DOCK8: variants seen among roughly 807,000 people sequenced by gnomAD.
DOCK8 encodes the protein dedicator of cytokinesis 8.
In DOCK8, 141 loss-of-function variants were observed where a neutral mutation model predicts 245.6. The observed-to-expected ratio is 0.57, with a 90% confidence interval of 0.50 to 0.66. The LOEUF is 0.66. Among genes scored for constraint, DOCK8 ranks in the 30% least tolerant of loss-of-function variants. DOCK8 has a pLI of 0.00. For missense variants in DOCK8, 2,965 were observed against 2,603.4 expected (o/e 1.14, Z -3.02); for synonymous variants, 1,168 against 970.2 (o/e 1.20, Z -3.79).
intron 4 of DOCK8, among the ~76,000 whole-genome samples, chr9:304,368 G>C (rs184220089): frequency 1.5e-4 from 23 of 152,246 alleles, no homozygotes; most frequent in Admixed American, 1.0e-3. Flanking sequence ...CTTTAATAAT[G>C]AGCCAGCCAG....
intron 1 of DOCK8, among the ~76,000 whole-genome samples, chr9:263,361 T>C (rs1426723996): frequency 6.6e-6 from 1 of 152,210 alleles, no homozygotes; most frequent in Non-Finnish European, 1.5e-5. Context: ...TTAGTACTTT[T>C]ACCATTTCCC....
At chr9:449,177 C>T (rs975964268) in intron 44 of DOCK8, among the ~76,000 whole-genome samples, 9 of 152,060 alleles carry the variant, frequency 5.9e-5, no homozygotes, top group African/African-American at 1.2e-4. Flanking sequence ...ATAGAGAAAC[C>T]GCATCTCTAC....
At position 414,025 on chromosome 9, in the gene DOCK8, C is replaced by G. The variant is rs113917060; in HGVS notation, c.3531-757C>G. On this transcript the variant is annotated intron_variant, in intron 28 of 47. Coordinates refer to ENST00000432829, the MANE Select transcript of DOCK8 (RefSeq NM_203447.4). ...GGTGTGGTGGCAGGTGCCTGTAGTC[C>G]CCGCTACTTGGGAGGCTGAGTCAGA... is the stretch of plus-strand genomic sequence containing the variant. 8.7e-3 allele frequency among the ~76,000 whole-genome samples: 1,327 copies of G among 152,100 alleles called. 13 individuals carry two copies. The highest frequency in any genetic ancestry group is 0.03 in the African/African-American group (1,225 of 41,460).
chr9:340,903 A>G (rs1370795097), intron 14 of DOCK8, among the ~76,000 whole-genome samples: 1 of 152,212 alleles, frequency 6.6e-6, no homozygotes, highest in Non-Finnish European at 1.5e-5. Flanking sequence ...AAAATCTGCT[A>G]GCCATTACCT....
At chr9:269,373 T>G (rs978175305) in intron 1 of DOCK8, among the ~76,000 whole-genome samples, 2 of 152,184 alleles carry the variant, frequency 1.3e-5, no homozygotes, top group African/African-American at 2.4e-5. Context: ...TATGTTGTGG[T>G]GTATATAGGT....
chr9:290,100 G>A (rs1023214708), intron 4 of DOCK8, among the ~76,000 whole-genome samples: 2 of 151,924 alleles, frequency 1.3e-5, no homozygotes, highest in Non-Finnish European at 2.9e-5. Context: ...TTGCATGGCT[G>A]TACCATTGTT....
intron 27 of DOCK8, among the ~76,000 whole-genome samples, chr9:405,884 G>C (rs142098274): frequency 7.2e-5 from 11 of 152,172 alleles, no homozygotes; most frequent in Admixed American, 7.2e-4. Flanking sequence ...AATTCAAAAT[G>C]TATAAACTTT....
intron 36 of DOCK8, among the ~76,000 whole-genome samples, chr9:431,731 A>G (rs1189158535): frequency 6.6e-6 from 1 of 151,490 alleles, no homozygotes; most frequent in Admixed American, 6.6e-5. Context: ...CTGATCTTGA[A>G]CTCCTGAGCT....
intron 4 of DOCK8, among the ~76,000 whole-genome samples, chr9:291,155 G>A (rs2049021757): frequency 6.6e-6 from 1 of 152,146 alleles, no homozygotes; most frequent in South Asian, 2.1e-4. Context: ...AATCTGAGAA[G>A]GAACAAATAG....
intron 4 of DOCK8, among the ~76,000 whole-genome samples, chr9:297,953 A>T (rs1330351415): frequency 6.6e-6 from 1 of 152,142 alleles, no homozygotes; most frequent in East Asian, 1.9e-4. Context: ...TTATTGTGTA[A>T]CTCATTTGTT....
chr9:306,597 C>T (rs1190559441), intron 5 of DOCK8, among the ~76,000 whole-genome samples: 1 of 152,174 alleles, frequency 6.6e-6, no homozygotes, highest in Non-Finnish European at 1.5e-5. Flanking sequence ...GCACACCAGC[C>T]TGGGGCTGGG....
At chr9:288,858 T>G (rs1353679102) in intron 3 of DOCK8, among the ~76,000 whole-genome samples, 2 of 152,232 alleles carry the variant, frequency 1.3e-5, no homozygotes, top group Non-Finnish European at 2.9e-5. Flanking sequence ...GATGAGAAAA[T>G]TAAGGCTTGT....
intron 1 of DOCK8, among the ~76,000 whole-genome samples, chr9:259,360 T>A (rs907945974): frequency 6.6e-6 from 1 of 152,218 alleles, no homozygotes; most frequent in African/African-American, 2.4e-5. Context: ...ATAGTAGTAT[T>A]TCCTTCTAGT....
chr9:286,693 A>G (rs2048838288), intron 3 of DOCK8, 57 bp downstream of exon 3: 1 of 1,554,352 alleles, frequency 6.4e-7, no homozygotes, highest in South Asian at 1.1e-5. Context: ...GTTTTCAATA[A>G]GTGGGTAGGG....
chr9:463,410 A>T, intron 46 of DOCK8, 107 bp from the exon 47 acceptor site: 1 of 1,416,666 alleles, frequency 7.1e-7, no homozygotes, highest in Non-Finnish European at 9.8e-7. Flanking sequence ...ACCCAGTTTG[A>T]AAACGTTCTT....
intron 21 of DOCK8, 99 bp from the exon 22 acceptor site, chr9:382,414 G>C: frequency 6.5e-7 from 1 of 1,529,246 alleles, no homozygotes; most frequent in Non-Finnish European, 9.0e-7. Flanking sequence ...CTAATCCGGT[G>C]GCTTTTCATC....
chr9:275,733 C>T (rs1348753747), intron 2 of DOCK8, among the ~76,000 whole-genome samples: 3 of 152,020 alleles, frequency 2.0e-5, no homozygotes, highest in Admixed American at 6.6e-5. Flanking sequence ...GGAATACAGG[C>T]GTGCACCACC....
At chr9:292,424 A>G (rs2049085003) in intron 4 of DOCK8, among the ~76,000 whole-genome samples, 1 of 137,976 alleles carries the variant, frequency 7.2e-6, no homozygotes, top group East Asian at 2.2e-4. Context: ...GATTATTGAC[A>G]CTACATGCAT....
chr9:293,654 C>G (rs147168437), intron 4 of DOCK8, among the ~76,000 whole-genome samples: 78 of 152,310 alleles, frequency 5.1e-4, no homozygotes, highest in Non-Finnish European at 9.0e-4. Context: ...TTTGGTACAT[C>G]CTTCTCTTTC....
Sources: gnomAD v4.1 joint callset for allele counts (sites outside exome capture counted in the v4.1 genomes callset) on GRCh38, gnomAD v4.1.1 for gene constraint, MANE v1.5 for transcripts, NCBI Gene and HGNC (gene_info 2026-07-23, HGNC 2026-07-21) for gene names.